Variants in FRY observed in about 807,000 individuals in gnomAD.
FRY encodes the protein protein furry homolog.
A neutral mutation model predicts 348.4 loss-of-function variants in FRY; 128 were observed. The observed-to-expected ratio is 0.37, with a 90% CI of 0.32 to 0.43. The LOEUF (loss-of-function observed/expected upper bound fraction) is 0.43, where lower values mean the gene tolerates loss of function less well. Ranked by LOEUF, FRY falls within the 20% of genes least tolerant of loss-of-function variation. The pLI, the probability that FRY is intolerant of heterozygous loss-of-function variation, is 1.00. For synonymous variants in FRY, 1,370 were observed against 1,374.7 expected, an observed-to-expected ratio of 1.00 and a Z score of 0.08; for missense variants, 2,736 against 3,695.2, an observed-to-expected ratio of 0.74 and a Z score of 6.73.
At chr13:32,120,407 G>A (rs1224953690) in intron 4 of FRY, among the ~76,000 whole-genome samples, 1 of 152,022 alleles carries the variant, frequency 6.6e-6, no homozygotes, top group Non-Finnish European at 1.5e-5. Context: ...AGAAAATGGG[G>A]TAGAGGGACT....
chr13:32,289,936 G>C (rs1405326561), intron 59 of FRY, among the ~76,000 whole-genome samples, 193 bp downstream of exon 59: 2 of 152,220 alleles, frequency 1.3e-5, no homozygotes, highest in Non-Finnish European at 2.9e-5. Flanking sequence ...TCAGGAGTAG[G>C]TATGGAAAGT....
chr13:32,041,443 G>A lies in FRY; in HGVS notation c.70+9578G>A, dbSNP rs971467128. Among the ~76,000 whole-genome samples the A allele has an allele frequency of 7.9e-5, 12 of 151,808 alleles. No individual in the cohort carries two copies. In the East Asian group the frequency reaches 1.2e-3, roughly 15 times the overall value. On this transcript the variant is annotated intron_variant, in intron 1 of 60. Coordinates refer to ENST00000542859, the MANE Select transcript of FRY (RefSeq NM_023037.3). ...CGAGTAGCTGGGATTACAGGTGCCC[G>A]CCACCATGCCCTGCTAATTTTTGTA...
intron 17 of FRY, among the ~76,000 whole-genome samples, chr13:32,165,708 A>C (rs1425322877): frequency 6.6e-6 from 1 of 152,206 alleles, no homozygotes; most frequent in Admixed American, 6.5e-5. Flanking sequence ...ATGGTTTGTG[A>C]ATTTGAAATC....
intron 2 of FRY, among the ~76,000 whole-genome samples, chr13:32,091,737 C>T (rs1362843510): frequency 6.6e-6 from 1 of 152,194 alleles, no homozygotes; most frequent in Non-Finnish European, 1.5e-5. Flanking sequence ...TCTTTATTAA[C>T]CACTAAGACC....
At chr13:32,079,202 G>T (rs1024343274) in intron 2 of FRY, among the ~76,000 whole-genome samples, 169 bp downstream of exon 2, 7 of 152,146 alleles carry the variant, frequency 4.6e-5, no homozygotes, top group African/African-American at 1.7e-4. Flanking sequence ...TGATCTAAGA[G>T]AAACAATTTG....
intron 2 of FRY, among the ~76,000 whole-genome samples, chr13:32,096,255 A>C (rs1876703876): frequency 6.6e-6 from 1 of 152,186 alleles, no homozygotes; most frequent in Non-Finnish European, 1.5e-5. Context: ...TCTGTTCGCA[A>C]AGCTATCTTT....
intron 59 of FRY, among the ~76,000 whole-genome samples, chr13:32,293,310 A>G (rs1213188823): frequency 6.6e-6 from 1 of 152,230 alleles, no homozygotes; most frequent in Admixed American, 6.5e-5. Context: ...CAAAATTAAG[A>G]TACTCTAATA....
At chr13:32,266,917 G>A (rs1376181508) in intron 54 of FRY, among the ~76,000 whole-genome samples, 1 of 152,172 alleles carries the variant, frequency 6.6e-6, no homozygotes, top group Non-Finnish European at 1.5e-5. Context: ...CCACGAGGCA[G>A]AGGTTGCAGT....
intron 11 of FRY, among the ~76,000 whole-genome samples, chr13:32,140,457 C>A (rs113099398): frequency 1.2e-3 from 180 of 152,210 alleles, no homozygotes; most frequent in Non-Finnish European, 2.2e-3. Flanking sequence ...GCCAACAATT[C>A]TTTATAAGTA....
At chr13:32,122,402 A>G (rs1461510032) in intron 4 of FRY, among the ~76,000 whole-genome samples, 3 of 151,624 alleles carry the variant, frequency 2.0e-5, no homozygotes, top group Admixed American at 2.0e-4. Flanking sequence ...AGATGGCACC[A>G]CTGCACTCCA....
chr13:32,199,184 C>T (rs1883860882), intron 29 of FRY, among the ~76,000 whole-genome samples: 1 of 152,170 alleles, frequency 6.6e-6, no homozygotes, highest in African/African-American at 2.4e-5. Flanking sequence ...TGCTGGGGAA[C>T]AGATATGACC....
chr13:32,278,394 A>T, intron 57 of FRY, 71 bp from the exon 58 acceptor site: 1 of 847,730 alleles, frequency 1.2e-6, no homozygotes. Context: ...TTTTTTCCTA[A>T]TGGAATTATA....
rs982986002 is a variant in FRY, at chr13:32,239,471, A to T, written c.6516+122A>T. The T allele has an allele frequency of 1.3e-6, 1 of 757,812 alleles. No individual in the cohort carries two copies. Among genetic ancestry groups the T allele is most frequent in the Non-Finnish European group, 2.4e-6 (1 of 417,946 alleles). 46.9% of individuals were successfully genotyped at this position (757,812 alleles called of 1,614,324 possible). On this transcript the variant is annotated intron_variant, in intron 45 of 60. Coordinates refer to ENST00000542859, the MANE Select transcript of FRY (RefSeq NM_023037.3). This position sits in a 1 kb window ranked among gnomAD's most constrained non-coding sequence, Gnocchi z 4.3. ...TCTCAAAAACTGGAAATAATAACTA[A>T]TATCACAGTAATGGAAATATAGGGG...
At chr13:32,205,086 C>G (rs548489022) in intron 31 of FRY, among the ~76,000 whole-genome samples, 1 of 151,932 alleles carries the variant, frequency 6.6e-6, no homozygotes, top group Non-Finnish European at 1.5e-5. Flanking sequence ...GCCTGTAGTC[C>G]CAGCTACTCA....
intron 11 of FRY, among the ~76,000 whole-genome samples, chr13:32,145,327 C>T (rs1239669757): frequency 6.6e-6 from 1 of 152,106 alleles, no homozygotes; most frequent in Non-Finnish European, 1.5e-5. Context: ...GAGGGTACTA[C>T]AGCAGTCCAG....
intron 59 of FRY, among the ~76,000 whole-genome samples, chr13:32,293,122 A>G (rs1028681668): frequency 1.3e-5 from 2 of 152,226 alleles, no homozygotes; most frequent in African/African-American, 4.8e-5. Context: ...TTTATTGCAG[A>G]TGTCTAGAAC....
At chr13:32,213,968 A>G (rs535610751) in intron 35 of FRY, among the ~76,000 whole-genome samples, 1 of 152,384 alleles carries the variant, frequency 6.6e-6, no homozygotes, top group African/African-American at 2.4e-5. Flanking sequence ...TGATGCAATT[A>G]TCTACCCATA....
chr13:32,294,660 G>A, intron 60 of FRY, 90 bp downstream of exon 60: 1 of 977,760 alleles, frequency 1.0e-6, no homozygotes, highest in Non-Finnish European at 1.6e-6. Flanking sequence ...CACTACGGAA[G>A]GCTAGATATT....
intron 52 of FRY, 60 bp downstream of exon 52, chr13:32,261,876 G>A: frequency 6.8e-6 from 10 of 1,473,552 alleles, no homozygotes; most frequent in Non-Finnish European, 9.5e-6. Flanking sequence ...ACTAATGCAG[G>A]AGGACAGTTT....
Sources: gnomAD v4.1 joint callset for allele counts (sites outside exome capture counted in the v4.1 genomes callset) on GRCh38, gnomAD v4.1.1 for gene constraint, Gnocchi (gnomAD v3.1) non-coding constraint, MANE v1.5 for transcripts, NCBI Gene and HGNC (gene_info 2026-07-23, HGNC 2026-07-21) for gene names.